ZCCHC17: variants seen among roughly 807,000 people sequenced by gnomAD.
ZCCHC17 encodes zinc finger CCHC domain-containing protein 17.
A neutral mutation model predicts 30.6 loss-of-function variants in ZCCHC17; 18 were observed. That is an observed-to-expected ratio of 0.59 (90% CI 0.41 to 0.87). The LOEUF (loss-of-function observed/expected upper bound fraction) is 0.87, where lower values mean the gene tolerates loss of function less well. Ranked by LOEUF, ZCCHC17 falls within the 40% of genes least tolerant of loss-of-function variation. The probability of loss-of-function intolerance (pLI) is 0.00; values close to 1 mark genes in which losing one functional copy is unlikely to be tolerated. For synonymous variants in ZCCHC17, 88 were observed against 92.4 expected (o/e 0.95, Z 0.27); for missense variants, 263 against 284.2 (o/e 0.93, Z 0.54).
intron 7 of ZCCHC17, among the ~76,000 whole-genome samples, chr1:31,356,298 A>C (rs951599328): frequency 1.3e-5 from 2 of 152,220 alleles, no homozygotes; most frequent in South Asian, 4.1e-4. Flanking sequence ...CAGTGTAGTC[A>C]GGCCACCTAG....
Position 31,319,097 on chromosome 1 carries a change from C to T in ZCCHC17, c.67-12C>T, listed in dbSNP as rs770075729. On this transcript the variant is annotated splice_polypyrimidine_tract_variant and intron_variant, in intron 2 of 7. Coordinates refer to ENST00000344147, the MANE Select transcript of ZCCHC17 (RefSeq NM_016505.4). ...TGTATGTGACATTGATTTTTTTCCC[C>T]CATCTTTATAGGTTGCTATGGTGAC... The T allele has an allele frequency of 2.2e-5, 35 of 1,600,078 alleles. No individual in the cohort carries two copies. The highest frequency in any genetic ancestry group is 3.0e-5 in the Non-Finnish European group (35 of 1,171,254).
chr1:31,332,390 C>A (rs1299326610), intron 3 of ZCCHC17, among the ~76,000 whole-genome samples: 2 of 152,112 alleles, frequency 1.3e-5, no homozygotes, highest in African/African-American at 4.8e-5. Context: ...TGGTAATAAG[C>A]CATTAATGTC....
At chr1:31,355,789 A>G (rs1557460061) in intron 7 of ZCCHC17, among the ~76,000 whole-genome samples, 1 of 152,108 alleles carries the variant, frequency 6.6e-6, no homozygotes, top group East Asian at 1.9e-4. Flanking sequence ...GATGTTATCT[A>G]TTGATTTGTT....
intron 3 of ZCCHC17, among the ~76,000 whole-genome samples, chr1:31,334,200 G>T (rs923501334): frequency 1.3e-5 from 2 of 152,046 alleles, no homozygotes; most frequent in African/African-American, 4.8e-5. Context: ...TAGGTATGTG[G>T]GATGTAGTGA....
At chr1:31,320,606 G>C (rs1646838883) in intron 3 of ZCCHC17, among the ~76,000 whole-genome samples, 1 of 152,076 alleles carries the variant, frequency 6.6e-6, no homozygotes. Context: ...CTTTCACTTA[G>C]CACGTTTTCA....
At chr1:31,330,556 C>A (rs576233139) in intron 3 of ZCCHC17, among the ~76,000 whole-genome samples, 2 of 152,174 alleles carry the variant, frequency 1.3e-5, no homozygotes, top group East Asian at 3.9e-4. Flanking sequence ...GATGTACTTT[C>A]CTCTATTTGT....
intron 7 of ZCCHC17, among the ~76,000 whole-genome samples, chr1:31,362,920 T>C (rs569083960): frequency 1.3e-5 from 2 of 152,344 alleles, no homozygotes; most frequent in Non-Finnish European, 2.9e-5. Flanking sequence ...CTTTCCCCCA[T>C]TCAGTTCATT....
At chr1:31,310,236 G>C in intron 2 of ZCCHC17, 72 bp downstream of exon 2, 3 of 1,510,254 alleles carry the variant, frequency 2.0e-6, no homozygotes, top group Non-Finnish European at 2.7e-6. Flanking sequence ...TGGGTTTGTT[G>C]TTCCTGTCCA....
At chr1:31,345,449 C>G (rs1639211087) in intron 5 of ZCCHC17, among the ~76,000 whole-genome samples, 2 of 142,332 alleles carry the variant, frequency 1.4e-5, no homozygotes, top group Non-Finnish European at 3.0e-5. Flanking sequence ...AGCCACCACA[C>G]CCAGCCTTAA....
chr1:31,344,885 G>A (rs1429871699), intron 5 of ZCCHC17, among the ~76,000 whole-genome samples: 1 of 152,020 alleles, frequency 6.6e-6, no homozygotes, highest in Non-Finnish European at 1.5e-5. Context: ...TTTGGAGACA[G>A]GGTCTTGCTC....
At chr1:31,318,972 A>C (rs1646797589) in intron 2 of ZCCHC17, 137 bp from the exon 3 acceptor site, 10 of 958,772 alleles carry the variant, frequency 1.0e-5, no homozygotes, top group Non-Finnish European at 1.4e-5. Flanking sequence ...AATGTTTGAC[A>C]GAGCATCATT....
intron 3 of ZCCHC17, among the ~76,000 whole-genome samples, chr1:31,324,180 T>G (rs1638246540): frequency 6.6e-6 from 1 of 152,200 alleles, no homozygotes; most frequent in Admixed American, 6.5e-5. Flanking sequence ...AAATGTCAGT[T>G]TACTGACATG....
chr1:31,339,960 CTTTTTTTTTTTT>C (rs36008834), intron 5 of ZCCHC17, among the ~76,000 whole-genome samples: 2 of 90,402 alleles, frequency 2.2e-5, no homozygotes, highest in African/African-American at 6.9e-5. Flanking sequence ...TCTTGGATTT[CTTTTTTTTTTTT>C]TTTTTTTTTT....
chr1:31,302,533 T>A (rs1274232226), intron 1 of ZCCHC17, among the ~76,000 whole-genome samples: 1 of 152,214 alleles, frequency 6.6e-6, no homozygotes, highest in Non-Finnish European at 1.5e-5. Context: ...TCCTCTAATG[T>A]TGGGACCTAG....
intron 7 of ZCCHC17, among the ~76,000 whole-genome samples, chr1:31,362,315 C>T (rs1639937396): frequency 6.6e-6 from 1 of 152,222 alleles, no homozygotes; most frequent in Non-Finnish European, 1.5e-5. Flanking sequence ...ATTTATAGCT[C>T]TGAGGCTGCT....
chr1:31,338,816 T>G (rs1638920520), intron 4 of ZCCHC17, 141 bp from the exon 5 acceptor site: 1 of 554,712 alleles, frequency 1.8e-6, no homozygotes, highest in African/African-American at 1.9e-5. Flanking sequence ...TATGCTTATT[T>G]GTATCTGCAA....
intron 1 of ZCCHC17, among the ~76,000 whole-genome samples, chr1:31,299,599 A>G (rs1264384898): frequency 6.6e-6 from 1 of 152,232 alleles, no homozygotes; most frequent in Non-Finnish European, 1.5e-5. Context: ...TTCTCCAGTC[A>G]ATAGCTCCCT....
intron 3 of ZCCHC17, among the ~76,000 whole-genome samples, chr1:31,325,682 C>G (rs572721174): frequency 6.6e-6 from 1 of 152,364 alleles, no homozygotes; most frequent in South Asian, 2.1e-4. Flanking sequence ...CAGCATGAGC[C>G]AAGCGCAGCC....
At chr1:31,342,806 A>G (rs1639095006) in intron 5 of ZCCHC17, among the ~76,000 whole-genome samples, 1 of 152,210 alleles carries the variant, frequency 6.6e-6, no homozygotes, top group African/African-American at 2.4e-5. Context: ...GGAATAGTTT[A>G]CTTCAGGCCT....
Sources: allele counts gnomAD v4.1 joint callset (sites outside exome capture counted in the v4.1 genomes callset), GRCh38; gene constraint gnomAD v4.1.1; transcripts MANE v1.5; gene names NCBI Gene and HGNC (gene_info 2026-07-23, HGNC 2026-07-21).